PCCA: variants seen among roughly 807,000 people sequenced by gnomAD.
The protein encoded by PCCA is propionyl-CoA carboxylase alpha chain, mitochondrial.
A neutral mutation model predicts 101.3 loss-of-function variants in PCCA; 74 were observed. That is an observed-to-expected ratio of 0.73 (90% CI 0.61 to 0.89). The LOEUF (loss-of-function observed/expected upper bound fraction) is 0.89. Ranked by LOEUF, PCCA falls within the 40% of genes least tolerant of loss-of-function variation. The probability of loss-of-function intolerance (pLI) is 0.00; values close to 1 mark genes in which losing one functional copy is unlikely to be tolerated. For missense variants in PCCA, 891 were observed against 907.0 expected (o/e 0.98, Z 0.23); for synonymous variants, 294 against 313.6 (o/e 0.94, Z 0.66).
intron 8 of PCCA, among the ~76,000 whole-genome samples, chr13:100,249,184 C>T (rs2061618428): frequency 6.6e-6 from 1 of 152,122 alleles, no homozygotes; most frequent in South Asian, 2.1e-4. Context: ...ACCAAAGTCA[C>T]CTAGATGTTC....
At chr13:100,135,916 T>C (rs1395802893) in intron 4 of PCCA, among the ~76,000 whole-genome samples, 1 of 152,174 alleles carries the variant, frequency 6.6e-6, no homozygotes, top group Non-Finnish European at 1.5e-5. Flanking sequence ...GGGGTTTTTT[T>C]CCTTTTGATT....
intron 4 of PCCA, among the ~76,000 whole-genome samples, chr13:100,115,067 A>C (rs1314956594): frequency 1.3e-5 from 2 of 152,230 alleles, no homozygotes; most frequent in Non-Finnish European, 2.9e-5. Flanking sequence ...GAAAATGTAC[A>C]TATGTACGGT....
At chr13:100,525,470 A>C (rs1171964665) in intron 22 of PCCA, among the ~76,000 whole-genome samples, 1 of 152,178 alleles carries the variant, frequency 6.6e-6, no homozygotes, top group African/African-American at 2.4e-5. Flanking sequence ...CCTGTCCACC[A>C]CCCACTTGCT....
chr13:100,359,961 T>G (rs1436423823), intron 18 of PCCA, among the ~76,000 whole-genome samples: 2 of 152,154 alleles, frequency 1.3e-5, no homozygotes, highest in Admixed American at 1.3e-4. Flanking sequence ...ATTTTGAAAT[T>G]TCTATGGAAA....
chr13:100,415,084 T>G (rs1277490081), intron 19 of PCCA, among the ~76,000 whole-genome samples: 1 of 151,572 alleles, frequency 6.6e-6, no homozygotes, highest in Non-Finnish European at 1.5e-5. Flanking sequence ...TGAGTTGGAG[T>G]GTATTATTTC....
chr13:100,263,687 A>T (rs2062682616), intron 10 of PCCA, among the ~76,000 whole-genome samples: 1 of 152,158 alleles, frequency 6.6e-6, no homozygotes. Context: ...AACATTGAAC[A>T]CAGTTTCTTT....
chr13:100,387,838 A>G (rs774750893), intron 19 of PCCA, among the ~76,000 whole-genome samples: 1 of 152,220 alleles, frequency 6.6e-6, no homozygotes, highest in Non-Finnish European at 1.5e-5. Flanking sequence ...ACCCTCTTGA[A>G]TGACTCAGTC....
Position 100,162,195 on chromosome 13 carries a change from A to G in PCCA, c.468+4855A>G, listed in dbSNP as rs4771354. On this transcript the variant is annotated intron_variant, in intron 6 of 23. Coordinates refer to ENST00000376285, the MANE Select transcript of PCCA (RefSeq NM_000282.4). Reference sequence around the variant, plus strand: ...TGCTTAAGTAGGACTTACTTTTTTTATATGAAAAGAAGTGGCATAGAACTT... The same window carrying G: ...TGCTTAAGTAGGACTTACTTTTTTTGTATGAAAAGAAGTGGCATAGAACTT... 2.2e-3 allele frequency among the ~76,000 whole-genome samples: 328 copies of G among 152,132 alleles called. 1 individual carries two copies. The highest frequency in any genetic ancestry group is 0.02 in the South Asian group (97 of 4,824).
chr13:100,431,768 A>G (rs2079564425), intron 20 of PCCA, among the ~76,000 whole-genome samples: 1 of 152,142 alleles, frequency 6.6e-6, no homozygotes, highest in African/African-American at 2.4e-5. Flanking sequence ...TGGGAGGCTG[A>G]GGCAGGAGAA....
intron 7 of PCCA, among the ~76,000 whole-genome samples, chr13:100,232,817 A>G (rs1042297930): frequency 6.6e-6 from 1 of 152,150 alleles, no homozygotes; most frequent in South Asian, 2.1e-4. Context: ...TTAGTTATCA[A>G]TTGATTTGTT....
intron 19 of PCCA, among the ~76,000 whole-genome samples, chr13:100,376,627 G>A (rs1213533899): frequency 6.6e-6 from 1 of 152,168 alleles, no homozygotes; most frequent in Non-Finnish European, 1.5e-5. Flanking sequence ...TCTCTGAGGG[G>A]AAAACCACCT....
intron 21 of PCCA, among the ~76,000 whole-genome samples, chr13:100,499,833 G>GA (rs1260958298): frequency 6.6e-6 from 1 of 152,108 alleles, no homozygotes; most frequent in African/African-American, 2.4e-5. Context: ...AGAAGCAAAG[G>GA]AAAAAATATT....
At chr13:100,278,126 G>A (rs891473425) in intron 12 of PCCA, among the ~76,000 whole-genome samples, 2 of 152,104 alleles carry the variant, frequency 1.3e-5, no homozygotes, top group Non-Finnish European at 2.9e-5. Flanking sequence ...AGGTTAATTT[G>A]ATTTTGATTA....
intron 22 of PCCA, among the ~76,000 whole-genome samples, chr13:100,522,644 G>T (rs145201318): frequency 6.6e-6 from 1 of 152,118 alleles, no homozygotes; most frequent in Admixed American, 6.5e-5. Flanking sequence ...TGACTCCCTC[G>T]TCATTTTCTT....
chr13:100,089,605 T>A (rs1218470744), intron 1 of PCCA, among the ~76,000 whole-genome samples: 1 of 152,208 alleles, frequency 6.6e-6, no homozygotes, highest in Non-Finnish European at 1.5e-5. Flanking sequence ...TCCTTATAGT[T>A]TCCGTGTTCT....
intron 19 of PCCA, among the ~76,000 whole-genome samples, chr13:100,397,814 C>G (rs1291646863): frequency 1.3e-5 from 2 of 152,016 alleles, no homozygotes; most frequent in African/African-American, 4.8e-5. Context: ...TCGTTCAGAA[C>G]AAGATTAAGG....
At chr13:100,448,931 G>A (rs748383867) in intron 20 of PCCA, among the ~76,000 whole-genome samples, 33 of 152,276 alleles carry the variant, frequency 2.2e-4, no homozygotes, top group Middle Eastern at 6.8e-3. Flanking sequence ...ACACCAATTA[G>A]CAGTCATCTC....
At chr13:100,109,634 G>A (rs2048123157) in intron 2 of PCCA, among the ~76,000 whole-genome samples, 1 of 152,162 alleles carries the variant, frequency 6.6e-6, no homozygotes. Flanking sequence ...ATACAGAAAA[G>A]TAGATGATTA....
intron 19 of PCCA, among the ~76,000 whole-genome samples, chr13:100,403,396 G>A (rs919256504): frequency 1.3e-5 from 2 of 152,150 alleles, no homozygotes; most frequent in Non-Finnish European, 2.9e-5. Context: ...GTTGGCACAT[G>A]GTTCTGCAGG....
Sources: allele counts gnomAD v4.1 joint callset (sites outside exome capture counted in the v4.1 genomes callset), GRCh38; gene constraint gnomAD v4.1.1; transcripts MANE v1.5; gene names NCBI Gene and HGNC (gene_info 2026-07-23, HGNC 2026-07-21).